Variants in TAS2R1 observed in about 807,000 individuals in gnomAD.
The protein encoded by TAS2R1 is taste 2 receptor member 1, also known as taste receptor type 2 member 1.
For missense variants in TAS2R1, 370 were observed against 353.4 expected (o/e 1.05, Z -0.38); for synonymous variants, 141 against 134.2 (o/e 1.05, Z -0.35).
chr5:9,649,752 G>T (rs190289141), intron 2 of TAS2R1, among the ~76,000 whole-genome samples: 10 of 152,312 alleles, frequency 6.6e-5, no homozygotes, highest in Non-Finnish European at 1.3e-4. Context: ...TATGCAAAGT[G>T]CATCCACTTT....
chr5:9,788,432 G>A, the TAS2R1 span, among the ~76,000 whole-genome samples: 14 of 152,086 alleles, frequency 9.2e-5, no homozygotes, highest in South Asian at 2.1e-4. Flanking sequence ...CCCAGCCACC[G>A]GGTAATCCTT....
the TAS2R1 span, among the ~76,000 whole-genome samples, chr5:9,776,132 G>A: frequency 2.0e-5 from 3 of 152,184 alleles, no homozygotes; most frequent in African/African-American, 7.2e-5. Context: ...ACTGGGATAG[G>A]TGATTCCCCT....
At chr5:9,786,488 T>G in the TAS2R1 span, among the ~76,000 whole-genome samples, 3 of 152,210 alleles carry the variant, frequency 2.0e-5, no homozygotes, top group African/African-American at 7.2e-5. Flanking sequence ...GAATTTACCT[T>G]TCTTACCTTC....
chr5:9,649,227 A>G (rs1740256472), intron 2 of TAS2R1, among the ~76,000 whole-genome samples: 1 of 152,184 alleles, frequency 6.6e-6, no homozygotes, highest in Admixed American at 6.5e-5. Flanking sequence ...ATTCATGTGT[A>G]CCACTAGCAG....
At chr5:9,741,291 C>T in the TAS2R1 span, among the ~76,000 whole-genome samples, 1 of 152,086 alleles carries the variant, frequency 6.6e-6, no homozygotes, top group Non-Finnish European at 1.5e-5. Flanking sequence ...TGGTCAGAGA[C>T]AGAGATCCAA....
chr5:9,783,698 G>A, the TAS2R1 span, among the ~76,000 whole-genome samples: 1 of 152,004 alleles, frequency 6.6e-6, no homozygotes, highest in East Asian at 1.9e-4. Flanking sequence ...GTTATTTCTA[G>A]TGCTTTAAAA....
the TAS2R1 span, among the ~76,000 whole-genome samples, chr5:9,734,928 T>C: frequency 7.8e-3 from 1,190 of 151,660 alleles, 59 homozygotes; most frequent in African/African-American, 0.028. Context: ...CTCATACTGC[T>C]ATGAAGAACT....
the TAS2R1 span, among the ~76,000 whole-genome samples, chr5:9,748,622 G>T: frequency 1.3e-5 from 2 of 150,404 alleles, no homozygotes; most frequent in Non-Finnish European, 2.9e-5. Flanking sequence ...AAGAGAAAGA[G>T]GGAGGGAGAT....
the TAS2R1 span, among the ~76,000 whole-genome samples, chr5:9,729,104 A>T: frequency 1.3e-5 from 2 of 152,116 alleles, no homozygotes; most frequent in East Asian, 1.9e-4. Flanking sequence ...TTTTATAAAA[A>T]CTCATACTCA....
intron 1 of TAS2R1, among the ~76,000 whole-genome samples, chr5:9,706,982 T>A (rs1273948647): frequency 6.6e-6 from 1 of 152,122 alleles, no homozygotes; most frequent in Non-Finnish European, 1.5e-5. Flanking sequence ...TCCCAAAGCG[T>A]CCCCTGCACA....
At chr5:9,816,726 A>G in the TAS2R1 span, among the ~76,000 whole-genome samples, 98 of 152,320 alleles carry the variant, frequency 6.4e-4, no homozygotes, top group African/African-American at 2.2e-3. Flanking sequence ...AAGAAAAGGT[A>G]TTCACAAGCA....
intron 1 of TAS2R1, among the ~76,000 whole-genome samples, chr5:9,685,988 C>T (rs1473694093): frequency 1.3e-5 from 2 of 152,170 alleles, no homozygotes; most frequent in African/African-American, 2.4e-5. Flanking sequence ...GCCTCAGCCT[C>T]CCAAGTGGCT....
the TAS2R1 span, among the ~76,000 whole-genome samples, chr5:9,868,149 G>T: frequency 2.6e-5 from 4 of 152,318 alleles, no homozygotes; most frequent in African/African-American, 9.6e-5. Flanking sequence ...CTACCATTCT[G>T]GGGTTTGGAA....
chr5:9,630,474 T>G (rs555582042), upstream of TAS2R1: 3 of 167,122 alleles, frequency 1.8e-5, no homozygotes, highest in Admixed American at 6.5e-5. Context: ...ATATACATTT[T>G]TGAAATTTTC....
chr5:9,698,795 G>A (rs1040050474), intron 1 of TAS2R1, among the ~76,000 whole-genome samples: 4 of 152,088 alleles, frequency 2.6e-5, no homozygotes, highest in African/African-American at 9.7e-5. Context: ...AATGAGATAC[G>A]GCCAAACACC....
intron 1 of TAS2R1, among the ~76,000 whole-genome samples, chr5:9,696,783 G>A (rs1741365383): frequency 6.6e-6 from 1 of 152,094 alleles, no homozygotes; most frequent in Non-Finnish European, 1.5e-5. Flanking sequence ...GGAGGCCTAG[G>A]CAGGCGGATC....
the TAS2R1 span, among the ~76,000 whole-genome samples, chr5:9,865,147 G>A: frequency 6.6e-6 from 1 of 152,192 alleles, no homozygotes; most frequent in African/African-American, 2.4e-5. Flanking sequence ...GGTGTGGAGG[G>A]GGAGCAAGGA....
At chr5:9,737,512 C>A in the TAS2R1 span, among the ~76,000 whole-genome samples, 1 of 152,132 alleles carries the variant, frequency 6.6e-6, no homozygotes, top group Non-Finnish European at 1.5e-5. Flanking sequence ...AGATGTCAGT[C>A]ACCACCGACT....
intron 1 of TAS2R1, among the ~76,000 whole-genome samples, chr5:9,677,815 G>A (rs1208707663): frequency 6.6e-6 from 1 of 152,130 alleles, no homozygotes; most frequent in Non-Finnish European, 1.5e-5. Flanking sequence ...AGTGATGCTC[G>A]CAGGTATTCA....
Sources: allele counts gnomAD v4.1 joint callset (sites outside exome capture counted in the v4.1 genomes callset), GRCh38; gene constraint gnomAD v4.1.1; transcripts MANE v1.5; gene names NCBI Gene and HGNC (gene_info 2026-07-23, HGNC 2026-07-21).